MAL2: variants seen among roughly 807,000 people sequenced by gnomAD.
MAL2 encodes the protein protein MAL2.
In MAL2, 17 loss-of-function variants were observed where a neutral mutation model predicts 18.1. The ratio of observed to expected loss-of-function variants is 0.94; its 90% CI spans 0.64 to 1.41. The LOEUF is 1.41. MAL2 is among the 40% of genes most tolerant of loss of function. The probability of loss-of-function intolerance (pLI) is 0.00; values close to 1 mark genes in which losing one functional copy is unlikely to be tolerated. For synonymous variants in MAL2, 102 were observed against 102.3 expected (o/e 1.00, Z 0.02); for missense variants, 222 against 231.9 (o/e 0.96, Z 0.28).
At chr8:119,231,249 GTC>G (rs376064174) in intron 2 of MAL2, among the ~76,000 whole-genome samples, 20 of 152,198 alleles carry the variant, frequency 1.3e-4, no homozygotes, top group Non-Finnish European at 2.4e-4. Context: ...AGCCAGGATG[GTC>G]TCTCTCTCCT....
chr8:119,238,964 G>C (rs1252712730), intron 2 of MAL2, among the ~76,000 whole-genome samples: 3 of 151,538 alleles, frequency 2.0e-5, no homozygotes, highest in Non-Finnish European at 4.4e-5. Context: ...CACAGCAAAA[G>C]AAACTATCAT....
At chr8:119,221,369 G>A in intron 1 of MAL2, 3 of 528,700 alleles carry the variant, frequency 5.7e-6, no homozygotes, top group South Asian at 2.8e-5. Context: ...CAGGTGTGGA[G>A]TTGGATCAGT....
chr8:119,226,990 C>T (rs556113556), intron 2 of MAL2, among the ~76,000 whole-genome samples: 29 of 152,198 alleles, frequency 1.9e-4, no homozygotes, highest in Non-Finnish European at 3.7e-4. Context: ...GAATAGTACA[C>T]TCAGGATGGC....
chr8:119,237,216 C>G (rs1342096325), intron 2 of MAL2, among the ~76,000 whole-genome samples: 1 of 150,590 alleles, frequency 6.6e-6, no homozygotes, highest in Non-Finnish European at 1.5e-5. Context: ...TCGACACATA[C>G]ACTCTCCCAA....
At chr8:119,234,398 G>A (rs1029581645) in intron 2 of MAL2, among the ~76,000 whole-genome samples, 6 of 152,200 alleles carry the variant, frequency 3.9e-5, no homozygotes, top group Admixed American at 3.9e-4. Flanking sequence ...GCCCGCCATT[G>A]CCCAGGCTTG....
At position 119,243,831 on chromosome 8, in the gene MAL2, C is replaced by T. The variant is rs1818099489; in HGVS notation, c.*343C>T. ...TTGTTTGGTTGCTGAGTCACCTGAA[C>T]CTTAATTTTAATTGGTAATTACAGC... On this transcript the variant is annotated 3_prime_UTR_variant, in exon 4 of 4. Transcript: ENST00000614891. 1.2e-5 allele frequency: 2 copies of T among 171,276 alleles called. No homozygotes were observed. Among genetic ancestry groups the T allele is most frequent in the Middle Eastern group, 2.4e-3 (1 of 420 alleles). The allele number at this position is 171,276 out of a possible 1,614,324, so 10.6% of individuals were successfully genotyped here. A position where few individuals can be genotyped will look rare whatever the true frequency, so the allele number is the denominator to read the frequency against.
intron 1 of MAL2, among the ~76,000 whole-genome samples, chr8:119,212,115 A>C (rs1318190594): frequency 6.6e-6 from 1 of 152,180 alleles, no homozygotes; most frequent in African/African-American, 2.4e-5. Flanking sequence ...AACATTTTCC[A>C]GGTGGGTCTA....
At chr8:119,232,150 C>A (rs916241907) in intron 2 of MAL2, among the ~76,000 whole-genome samples, 2 of 151,548 alleles carry the variant, frequency 1.3e-5, no homozygotes, top group South Asian at 4.2e-4. Flanking sequence ...CTTAGCCATC[C>A]CACAATGTAT....
rs1554637229 is a variant in MAL2 at position 119,208,385 on chromosome 8, A to AGCAGCG, written c.-86_-85insAGCGGC. On this transcript the variant is annotated 5_prime_UTR_variant, in exon 1 of 4. Coordinates refer to ENST00000614891, the MANE Select transcript of MAL2 (RefSeq NM_052886.3). This position sits in a 1 kb window ranked among gnomAD's most constrained non-coding sequence, Gnocchi z 4.3. ...GGCGCGCCCGGAGCCCGCGGAGCTG[A>AGCAGCG]GCGGCGGCGGCGGCGGCGGCAGGAG... 1.4e-6 allele frequency: 1 copy of AGCAGCG among 700,710 alleles called. No homozygotes were observed. The highest frequency in any genetic ancestry group is 2.1e-5 in the African/African-American group (1 of 48,694). The allele number at this position is 700,710 out of a possible 1,614,324, so 43.4% of individuals were successfully genotyped here.
intron 1 of MAL2, among the ~76,000 whole-genome samples, chr8:119,219,557 G>GAA (rs1817428854): frequency 6.8e-6 from 1 of 147,816 alleles, no homozygotes; most frequent in African/African-American, 2.6e-5. Context: ...GTGTGTGTGA[G>GAA]AGAGAGAGAC....
intron 1 of MAL2, among the ~76,000 whole-genome samples, chr8:119,219,055 G>A (rs1455366026): frequency 6.6e-6 from 1 of 152,192 alleles, no homozygotes; most frequent in African/African-American, 2.4e-5. Flanking sequence ...TTAATAGTAT[G>A]TAAAGGTAAA....
intron 2 of MAL2, among the ~76,000 whole-genome samples, chr8:119,228,227 A>G (rs904613695): frequency 3.3e-5 from 5 of 152,066 alleles, no homozygotes; most frequent in African/African-American, 7.2e-5. Flanking sequence ...CCCTGGACAA[A>G]AGAGTCCAAA....
rs1267122380 is a variant in MAL2, at chr8:119,221,836, C to T, written c.303+79C>T. On this transcript the variant is annotated intron_variant, in intron 2 of 3. Coordinates refer to ENST00000614891, the MANE Select transcript of MAL2 (RefSeq NM_052886.3). ...CTATTCTGTTCTGAAATGCCAGAGT[C>T]CCAGTTCTGTTGCCCCTAATGGGAG... is the stretch of plus-strand genomic sequence containing the variant. 5.2e-5 allele frequency: 76 copies of T among 1,461,772 alleles called. 2 individuals carry two copies. The South Asian group carries it at 8.1e-4, about 16-fold the overall frequency. 90.6% of individuals were successfully genotyped at this position (1,461,772 alleles called of 1,614,324 possible). A position where few individuals can be genotyped will look rare whatever the true frequency, so the allele number is the denominator to read the frequency against.
Position 119,208,482 on chromosome 8 carries a change from G to A in MAL2, c.10G>A (p.Gly4Ser), listed in dbSNP as rs1262122551. The A allele has an allele frequency of 3.5e-5, 45 of 1,273,266 alleles. No homozygotes were observed. The highest frequency in any genetic ancestry group is 3.2e-5 in the East Asian group (1 of 31,728). 78.9% of individuals were successfully genotyped at this position (1,273,266 alleles called of 1,614,324 possible). A position where few individuals can be genotyped will look rare whatever the true frequency, so the allele number is the denominator to read the frequency against. The part of the protein sequence containing the change: MSA[G>S]GASVPPPPNP... ...CAGCGGCAGCGGCAGCATGTCGGCC[G>A]GCGGAGCGTCAGTCCCGCCGCCCCC... The change falls in exon 1 of 4, where the codon GGC (glycine) becomes AGC (serine). Residue 4 changes from glycine (G) to serine (S), a missense_variant. Gly to Ser is a moderately conservative substitution (Grantham distance 56). Coordinates refer to ENST00000614891, the MANE Select transcript of MAL2 (RefSeq NM_052886.3). This position sits in a 1 kb window ranked among gnomAD's most constrained non-coding sequence, Gnocchi z 4.3.
chr8:119,229,107 G>T (rs1455489309), intron 2 of MAL2, among the ~76,000 whole-genome samples: 1 of 152,114 alleles, frequency 6.6e-6, no homozygotes, highest in East Asian at 1.9e-4. Context: ...ACATCAACTC[G>T]AAGGGTCCTT....
rs1382060797 is a variant in MAL2 at position 119,235,824 on chromosome 8, A to T, written c.304-4341A>T. On this transcript the variant is annotated intron_variant, in intron 2 of 3. Transcript: ENST00000614891. Reference sequence around the variant, plus strand: ...AACATGGAAAGGAACAACCGGTACCAGCCGCTGCAAAATCATGCCAAAATG... The same window carrying T: ...AACATGGAAAGGAACAACCGGTACCTGCCGCTGCAAAATCATGCCAAAATG... Among the ~76,000 whole-genome samples the T allele has an allele frequency of 4.5e-3, 608 of 136,294 alleles. 4 individuals are homozygous for T. Among genetic ancestry groups the T allele is most frequent in the African/African-American group, 0.016 (536 of 33,042 alleles). The allele number at this position is 136,294 out of a possible 152,430, so 89.4% of individuals were successfully genotyped here.
intron 1 of MAL2, among the ~76,000 whole-genome samples, chr8:119,216,552 T>C (rs550271588): frequency 6.2e-4 from 94 of 152,328 alleles, no homozygotes; most frequent in African/African-American, 2.2e-3. Flanking sequence ...CTATTTCTGC[T>C]ATCACCATTA....
intron 1 of MAL2, among the ~76,000 whole-genome samples, chr8:119,211,599 A>G (rs888113559): frequency 1.1e-4 from 17 of 152,154 alleles, no homozygotes. Context: ...GGGAGATATT[A>G]CAAAATATAT....
intron 2 of MAL2, chr8:119,224,149 T>C (rs1817531404): frequency 6.6e-6 from 1 of 152,240 alleles, no homozygotes; most frequent in African/African-American, 2.4e-5. Context: ...ACATTCATGA[T>C]AGATAGCTTC....
Sources: allele counts gnomAD v4.1 joint callset (sites outside exome capture counted in the v4.1 genomes callset), GRCh38; gene constraint gnomAD v4.1.1; non-coding constraint Gnocchi (gnomAD v3.1); transcripts MANE v1.5; gene names NCBI Gene and HGNC (gene_info 2026-07-23, HGNC 2026-07-21).